CEP68: variants seen among roughly 807,000 people sequenced by gnomAD.
CEP68 encodes centrosomal protein of 68 kDa.
In CEP68, 26 loss-of-function variants were observed where a neutral mutation model predicts 55.3. The observed-to-expected ratio is 0.47, with a 90% CI of 0.34 to 0.65. CEP68 has a LOEUF of 0.65. CEP68 is among the 30% of genes least tolerant of loss of function. CEP68 has a pLI of 0.01. For missense variants in CEP68, 957 were observed against 946.7 expected (o/e 1.01, Z -0.14); for synonymous variants, 402 against 383.2 (o/e 1.05, Z -0.57).
chr2:65,060,636 A>C (rs1054249529), intron 1 of CEP68, among the ~76,000 whole-genome samples: 1 of 152,228 alleles, frequency 6.6e-6, no homozygotes, highest in Non-Finnish European at 1.5e-5. Context: ...AAATGCACCC[A>C]TGTGGTCCAG....
Position 65,072,184 on chromosome 2 carries a change from C to T in CEP68, c.1088C>T (p.Thr363Ile). ...VSPNCPPAEA[T>I]ALPFSGPREP... ...CCCAACTGCCCACCAGCAGAGGCCACTGCCCTGCCATTTTCTGGGCCCAGA... is the reference window on the plus strand; with the variant it reads ...CCCAACTGCCCACCAGCAGAGGCCATTGCCCTGCCATTTTCTGGGCCCAGA... Residue 363 changes from threonine (T) to isoleucine (I), a missense_variant, in exon 3 of 7, where the codon ACT becomes ATT. Coordinates refer to ENST00000377990, the MANE Select transcript of CEP68 (RefSeq NM_015147.3). The T allele has an allele frequency of 6.2e-7, 1 of 1,614,156 alleles. No homozygotes were observed. The highest frequency in any genetic ancestry group is 8.5e-7 in the Non-Finnish European group (1 of 1,180,018).
intron 5 of CEP68, chr2:65,080,386 C>T (rs759184282): frequency 1.3e-4 from 133 of 985,276 alleles, no homozygotes; most frequent in Non-Finnish European, 1.5e-4. Flanking sequence ...CTGTCTCCAG[C>T]GGGTGCAAAA....
At chr2:65,076,526 CGTAT>C (rs368876179) in intron 4 of CEP68, among the ~76,000 whole-genome samples, 36 of 152,270 alleles carry the variant, frequency 2.4e-4, no homozygotes, top group African/African-American at 8.2e-4. Context: ...ATGGCTCATG[CGTAT>C]GTGTGTGCTA....
chr2:65,072,070 C>T lies in CEP68; in HGVS notation c.974C>T (p.Ala325Val), dbSNP rs200718631. The change falls in exon 3 of 7, where the codon GCT becomes GTT. Residue 325 changes from alanine to valine, a missense_variant. Physicochemically the swap from Ala to Val is moderately conservative, Grantham distance 64 (BLOSUM62 0). Transcript: ENST00000377990. ...LPKHLDSRVP[A>V]DPVLQDSGVD... is the part of the protein sequence containing the mutation. ...AAGCACCTTGATAGCCGTGTGCCAG[C>T]TGACCCTGTCCTGCAGGACTCCGGG... 4.2e-5 allele frequency: 67 copies of T among 1,613,898 alleles called. 1 individual carries two copies. The highest frequency in any genetic ancestry group is 5.0e-5 in the Non-Finnish European group (59 of 1,180,014).
intron 4 of CEP68, 88 bp from the exon 5 acceptor site, chr2:65,077,780 G>C: frequency 1.1e-6 from 1 of 938,068 alleles, no homozygotes; most frequent in Non-Finnish European, 1.6e-6. Context: ...GGGGAATAAG[G>C]CTTCCCTACA....
At chr2:65,069,879 C>T (rs1676377690) in intron 2 of CEP68, 78 bp downstream of exon 2, 3 of 1,243,596 alleles carry the variant, frequency 2.4e-6, no homozygotes, top group Non-Finnish European at 2.3e-6. Context: ...CACCATCTTG[C>T]ATCCTTTCCT....
Position 65,071,745 on chromosome 2 carries a change from C to A in CEP68, c.649C>A (p.Arg217Ser). 6.2e-7 allele frequency: 1 copy of A among 1,613,730 alleles called. No homozygotes were observed. Among genetic ancestry groups the A allele is most frequent in the South Asian group, 1.1e-5 (1 of 91,082 alleles). The change falls in exon 3 of 7, where the codon CGT becomes AGT. Residue 217 changes from arginine (R) to serine (S), a missense_variant. By Grantham distance (110) the Arg-to-Ser change is moderately radical (BLOSUM62 -1). Coordinates refer to ENST00000377990, the MANE Select transcript of CEP68 (RefSeq NM_015147.3). ...LQGHQERAEP[R>S]GGSLAKVSSS... ...GGGTCACCAGGAGAGGGCGGAGCCT[C>A]GTGGTGGTTCTCTGGCCAAGGTCTC...
At chr2:65,062,259 T>C (rs190368664) in intron 1 of CEP68, among the ~76,000 whole-genome samples, 519 of 152,226 alleles carry the variant, frequency 3.4e-3, no homozygotes, top group African/African-American at 0.012. Context: ...CCTGGCCAGG[T>C]GCGGTGACTC....
In CEP68 at chr2:65,057,684, C is replaced by T. The variant is rs150143390; in HGVS notation, c.-47+1156C>T. ...GGAAGCCAAAAGGAAACAAAATCAG[C>T]GTGGTAGTCTAAAGGTGACACAACA... On this transcript the variant is annotated intron_variant, in intron 1 of 6. Coordinates refer to ENST00000377990, the MANE Select transcript of CEP68 (RefSeq NM_015147.3). 1.2e-3 allele frequency among the ~76,000 whole-genome samples: 186 copies of T among 152,320 alleles called. 1 individual carries two copies. Among genetic ancestry groups the T allele is most frequent in the African/African-American group, 4.0e-3 (168 of 41,564 alleles).
At chr2:65,074,695 C>T in intron 4 of CEP68, 1 of 383,576 alleles carries the variant, frequency 2.6e-6, no homozygotes, top group Non-Finnish European at 5.0e-6. Context: ...ATCCCAGCTA[C>T]TCTGGAAGCT....
rs1573037308 is a variant in CEP68 at position 65,072,957 on chromosome 2, G to C, written c.1861G>C (p.Glu621Gln). Residue 621 changes from glutamate (E) to glutamine (Q), a missense_variant, in exon 3 of 7, where the codon GAA becomes CAA. By Grantham distance (29) the Glu-to-Gln change is conservative. Coordinates refer to ENST00000377990, the MANE Select transcript of CEP68 (RefSeq NM_015147.3). ...CAGGAAAGGAGGAGAACAGGGAAAAGAATCACTGGTGCAATGTGTGAAGGT... is the reference window on the plus strand; with the variant it reads ...CAGGAAAGGAGGAGAACAGGGAAAACAATCACTGGTGCAATGTGTGAAGGT... Reference protein sequence around the residue: ...LPRKGGEQGKESLVQCVKTFC... With the variant: ...LPRKGGEQGKQSLVQCVKTFC... 6.2e-7 allele frequency: 1 copy of C among 1,614,108 alleles called. No homozygotes were observed. Among genetic ancestry groups the C allele is most frequent in the African/African-American group, 1.3e-5 (1 of 74,928 alleles).
At chr2:65,057,940 C>T (rs2103736257) in intron 1 of CEP68, among the ~76,000 whole-genome samples, 1 of 151,880 alleles carries the variant, frequency 6.6e-6, no homozygotes, top group Middle Eastern at 3.4e-3. Flanking sequence ...ACAGGCGTGT[C>T]ATTAAGTTAT....
chr2:65,081,373 A>G (rs1194139469), intron 5 of CEP68, among the ~76,000 whole-genome samples: 1 of 152,116 alleles, frequency 6.6e-6, no homozygotes, highest in Non-Finnish European at 1.5e-5. Flanking sequence ...CTTCCCTAGG[A>G]GATCTCAATA....
rs540179425 is a variant in CEP68 at position 65,071,959 on chromosome 2, G to A, written c.863G>A (p.Arg288His). The A allele has an allele frequency of 5.6e-6, 9 of 1,612,630 alleles. No homozygotes were observed. The Admixed American group carries it at 6.7e-5, about 12-fold the overall frequency. ...LPDSLPPSPD[R>H]HSPLWNPNKE... is the part of the protein sequence containing the mutation. ...GATTCCCTGCCTCCATCACCCGACC[G>A]CCACTCCCCTCTCTGGAACCCAAAT... Residue 288 changes from arginine (R) to histidine (H), a missense_variant, in exon 3 of 7, where the codon CGC becomes CAC. Coordinates refer to ENST00000377990, the MANE Select transcript of CEP68 (RefSeq NM_015147.3).
intron 6 of CEP68, among the ~76,000 whole-genome samples, chr2:65,083,040 G>A (rs1361077685): frequency 6.6e-6 from 1 of 152,154 alleles, no homozygotes; most frequent in Non-Finnish European, 1.5e-5. Context: ...TTTCTGCACA[G>A]GTACACTTTT....
At chr2:65,066,021 G>A (rs1234216001) in intron 1 of CEP68, among the ~76,000 whole-genome samples, 1 of 151,982 alleles carries the variant, frequency 6.6e-6, no homozygotes, top group Non-Finnish European at 1.5e-5. Flanking sequence ...AAGTTCGCAG[G>A]TAGCTGGAGC....
At position 65,072,810 on chromosome 2, in the gene CEP68, G is replaced by A; in HGVS notation, c.1714G>A (p.Gly572Ser). The change falls in exon 3 of 7, where the codon GGC becomes AGC. Residue 572 changes from glycine (G) to serine (S), a missense_variant. Gly to Ser is a moderately conservative substitution (Grantham distance 56). Transcript: ENST00000377990. ...CCGTGCCCACGACTCCGCAGGGGAA[G>A]GCAGTCTGGGGAGCAGCCAGGCCCT... ...FVRAHDSAGE[G>S]SLGSSQALGV... is the part of the protein sequence containing the mutation. 1 of 1,614,220 alleles carries A rather than the reference G, an allele frequency of 6.2e-7. No individual in the cohort carries two copies.
At chr2:65,077,145 A>G (rs1022773212) in intron 4 of CEP68, among the ~76,000 whole-genome samples, 1 of 151,690 alleles carries the variant, frequency 6.6e-6, no homozygotes, top group South Asian at 2.1e-4. Flanking sequence ...ACAGGCATGC[A>G]CCACCACACC....
At chr2:65,058,669 G>A (rs937294150) in intron 1 of CEP68, among the ~76,000 whole-genome samples, 2 of 151,716 alleles carry the variant, frequency 1.3e-5, no homozygotes, top group African/African-American at 2.4e-5. Flanking sequence ...ACCGTGTTCC[G>A]CTAATTTTTG....
Sources: gnomAD v4.1 joint callset for allele counts (sites outside exome capture counted in the v4.1 genomes callset) on GRCh38, gnomAD v4.1.1 for gene constraint, MANE v1.5 for transcripts, NCBI Gene and HGNC (gene_info 2026-07-23, HGNC 2026-07-21) for gene names.